Variants in ZRANB3 observed in about 807,000 individuals in gnomAD.
ZRANB3 encodes DNA annealing helicase and endonuclease ZRANB3.
A neutral mutation model predicts 133.8 loss-of-function variants in ZRANB3; 125 were observed. The observed-to-expected ratio is 0.93, with a 90% confidence interval of 0.81 to 1.08. ZRANB3 has a LOEUF of 1.08. ZRANB3 is among the 50% of genes least tolerant of loss of function. ZRANB3 has a pLI of 0.00. For missense variants in ZRANB3, 1,229 were observed against 1,275.5 expected, an observed-to-expected ratio of 0.96 and a Z score of 0.56; for synonymous variants, 387 against 432.7, an observed-to-expected ratio of 0.89 and a Z score of 1.31.
intron 2 of ZRANB3, among the ~76,000 whole-genome samples, chr2:135,440,001 T>G (rs1689711212): frequency 6.6e-6 from 1 of 152,164 alleles, no homozygotes; most frequent in Admixed American, 6.5e-5. Context: ...ATATAGCTAA[T>G]TCTAATTAAA....
chr2:135,238,309 G>T (rs1695395123), intron 12 of ZRANB3, among the ~76,000 whole-genome samples: 1 of 151,968 alleles, frequency 6.6e-6, no homozygotes. Context: ...TGAGAGGTGG[G>T]ATCTATGTTC....
chr2:135,529,391 C>T (rs998193974), intron 1 of ZRANB3, among the ~76,000 whole-genome samples: 2 of 152,126 alleles, frequency 1.3e-5, no homozygotes, highest in Admixed American at 6.5e-5. Context: ...GCCTTACGTG[C>T]TAAGATTATT....
intron 8 of ZRANB3, among the ~76,000 whole-genome samples, chr2:135,292,944 A>T (rs1027511511): frequency 1.3e-4 from 20 of 151,906 alleles, no homozygotes; most frequent in African/African-American, 4.8e-4. Context: ...GTTCTGTCCC[A>T]TTGGTCTATA....
At chr2:135,449,032 C>T (rs961434218) in intron 2 of ZRANB3, among the ~76,000 whole-genome samples, 1 of 152,170 alleles carries the variant, frequency 6.6e-6, no homozygotes, top group Non-Finnish European at 1.5e-5. Flanking sequence ...TACAACTACA[C>T]TGTAATACTA....
intron 12 of ZRANB3, among the ~76,000 whole-genome samples, chr2:135,251,677 A>C (rs1485259634): frequency 6.6e-6 from 1 of 152,194 alleles, no homozygotes; most frequent in African/African-American, 2.4e-5. Flanking sequence ...ACATGTAAGA[A>C]GTGCCTTTCT....
intron 5 of ZRANB3, among the ~76,000 whole-genome samples, chr2:135,348,007 C>T (rs1222321786): frequency 6.6e-6 from 1 of 151,890 alleles, no homozygotes; most frequent in Non-Finnish European, 1.5e-5. Flanking sequence ...AACTGTAATC[C>T]CAGCACTTTA....
chr2:135,325,858 T>C (rs774454062), intron 6 of ZRANB3, among the ~76,000 whole-genome samples: 2 of 152,202 alleles, frequency 1.3e-5, no homozygotes, highest in Non-Finnish European at 2.9e-5. Flanking sequence ...AAAGGAGAAT[T>C]GTCTCCAAAT....
chr2:135,292,854 C>T (rs1275302500), intron 8 of ZRANB3, among the ~76,000 whole-genome samples: 1 of 152,008 alleles, frequency 6.6e-6, no homozygotes, highest in African/African-American at 2.4e-5. Context: ...AATAGGGAAT[C>T]CTTTCCCCAT....
At chr2:135,339,658 C>T (rs1435004075) in intron 6 of ZRANB3, among the ~76,000 whole-genome samples, 1 of 152,188 alleles carries the variant, frequency 6.6e-6, no homozygotes, top group Non-Finnish European at 1.5e-5. Flanking sequence ...TTCATATGCT[C>T]ATGATATACT....
At chr2:135,492,395 T>G (rs766201493) in intron 2 of ZRANB3, among the ~76,000 whole-genome samples, 2 of 152,196 alleles carry the variant, frequency 1.3e-5, no homozygotes, top group Non-Finnish European at 2.9e-5. Flanking sequence ...GTTGGGATAC[T>G]AATTACAGAT....
rs138527772 is a variant in ZRANB3, at chr2:135,447,321, G to A, written c.162-56501C>T. 3.0e-3 allele frequency among the ~76,000 whole-genome samples: 462 copies of A among 152,294 alleles called. 11 individuals are homozygous for A. The East Asian group carries it at 0.056, about 18-fold the overall frequency. On this transcript the variant is annotated intron_variant, in intron 2 of 20. Transcript: ENST00000264159. ...CCCAAAGTGTTGGGATTACAGACGT[G>A]AGCCACTGTGCCTGGCCAACACTTT... is the stretch of plus-strand genomic sequence containing the variant.
At position 135,444,374 on chromosome 2, in the gene ZRANB3, C is replaced by T. The variant is rs1481175241; in HGVS notation, c.162-53554G>A. Among the ~76,000 whole-genome samples, 7 of 152,212 alleles carry T rather than the reference C, an allele frequency of 4.6e-5. No individual in the cohort carries two copies. In the South Asian group the frequency reaches 1.5e-3, roughly 32 times the overall value. On this transcript the variant is annotated intron_variant, in intron 2 of 20. Coordinates refer to ENST00000264159, the MANE Select transcript of ZRANB3 (RefSeq NM_032143.4). ...CCCAAAGTGGAAAAATACAAATCTCCATCAATTAGTAAATTTATAAACAAA... is the reference window on the plus strand; with the variant it reads ...CCCAAAGTGGAAAAATACAAATCTCTATCAATTAGTAAATTTATAAACAAA...
At chr2:135,371,446 G>T (rs1294277552) in intron 3 of ZRANB3, among the ~76,000 whole-genome samples, 1 of 152,062 alleles carries the variant, frequency 6.6e-6, no homozygotes, top group East Asian at 1.9e-4. Context: ...ATCTATCTGG[G>T]TATGGTTTAA....
intron 2 of ZRANB3, among the ~76,000 whole-genome samples, chr2:135,433,593 T>C (rs1689408271): frequency 6.6e-6 from 1 of 152,210 alleles, no homozygotes; most frequent in Non-Finnish European, 1.5e-5. Flanking sequence ...GGCTCACACC[T>C]GTAATCTCAG....
intron 2 of ZRANB3, among the ~76,000 whole-genome samples, chr2:135,493,877 A>G (rs1692529391): frequency 6.6e-6 from 1 of 152,230 alleles, no homozygotes; most frequent in Non-Finnish European, 1.5e-5. Flanking sequence ...CCAAATGTCC[A>G]TCACCAAGTA....
chr2:135,368,131 C>T (rs996059910), intron 3 of ZRANB3, among the ~76,000 whole-genome samples: 1 of 151,928 alleles, frequency 6.6e-6, no homozygotes, highest in African/African-American at 2.4e-5. Context: ...TAGTCACATT[C>T]CTAATTTATT....
chr2:135,395,243 TG>T (rs1458694047), intron 2 of ZRANB3, among the ~76,000 whole-genome samples: 1 of 151,958 alleles, frequency 6.6e-6, no homozygotes, highest in African/African-American at 2.4e-5. Context: ...AAACATACAC[TG>T]GGAGAAAGGG....
intron 12 of ZRANB3, among the ~76,000 whole-genome samples, chr2:135,243,695 T>A (rs1695656482): frequency 1.3e-5 from 2 of 152,240 alleles, no homozygotes; most frequent in South Asian, 4.1e-4. Flanking sequence ...CACAGCTCAC[T>A]GCAGCCTTAG....
intron 2 of ZRANB3, among the ~76,000 whole-genome samples, chr2:135,498,159 G>A (rs548734056): frequency 1.5e-4 from 23 of 152,040 alleles, no homozygotes; most frequent in Non-Finnish European, 2.5e-4. Context: ...ATTGTAAATC[G>A]AATTAGTGTA....
Sources: gnomAD v4.1 joint callset for allele counts (sites outside exome capture counted in the v4.1 genomes callset) on GRCh38, gnomAD v4.1.1 for gene constraint, MANE v1.5 for transcripts, NCBI Gene and HGNC (gene_info 2026-07-23, HGNC 2026-07-21) for gene names.